Variants in ULK4 observed in about 807,000 individuals in gnomAD.
ULK4 encodes inactive serine/threonine-protein kinase ULK4.
ULK4 carries 133 observed loss-of-function variants against 160.6 expected under a neutral mutation model. That is an observed-to-expected ratio of 0.83 (90% CI 0.72 to 0.96). ULK4 has a LOEUF of 0.96. ULK4 is among the 40% of genes least tolerant of loss of function. The pLI is 0.00. For synonymous variants in ULK4, 534 were observed against 539.8 expected, an observed-to-expected ratio of 0.99 and a Z score of 0.15; for missense variants, 1,580 against 1,499.5, an observed-to-expected ratio of 1.05 and a Z score of -0.89.
At position 41,326,451 on chromosome 3, in the gene ULK4, C is replaced by CATAT. The variant is rs10660377; in HGVS notation, c.3678+71624_3678+71627dup. Among the ~76,000 whole-genome samples the CATAT allele has an allele frequency of 3.8e-3, 558 of 146,690 alleles. 4 individuals carry two copies. Among genetic ancestry groups the CATAT allele is most frequent in the Admixed American group, 0.021 (312 of 14,656 alleles). ...AGAGTTATATTTACATGCATATATA[C>CATAT]ATATATATATATATATATACATACA... On this transcript the variant is annotated intron_variant, in intron 35 of 36. Coordinates refer to ENST00000301831, the MANE Select transcript of ULK4 (RefSeq NM_017886.4).
At chr3:41,538,057 T>A (rs1270099153) in intron 32 of ULK4, among the ~76,000 whole-genome samples, 1 of 152,176 alleles carries the variant, frequency 6.6e-6, no homozygotes, top group Non-Finnish European at 1.5e-5. Flanking sequence ...CAGTTCCTTC[T>A]CCTGTTTGTT....
intron 21 of ULK4, among the ~76,000 whole-genome samples, chr3:41,780,444 T>C (rs1194754289): frequency 6.6e-6 from 1 of 152,058 alleles, no homozygotes; most frequent in Admixed American, 6.6e-5. Context: ...CCACCAAAGG[T>C]CTTTTTAGAG....
At chr3:41,868,309 A>G (rs868329375) in intron 17 of ULK4, among the ~76,000 whole-genome samples, 6 of 152,162 alleles carry the variant, frequency 3.9e-5, no homozygotes, top group Non-Finnish European at 8.8e-5. Flanking sequence ...ATGCTTCCTA[A>G]TGAACTGAAA....
rs1012943509 is a variant in ULK4 at position 41,745,966 on chromosome 3, C to G, written c.2321+8395G>C. On this transcript the variant is annotated intron_variant, in intron 22 of 36. Transcript: ENST00000301831. ...TTCATGATGAGAGAAAAAAAAAACT[C>G]TAAGAAAATTGGAGATAAAGAATAA... 1.3e-5 allele frequency among the ~76,000 whole-genome samples: 2 copies of G among 150,648 alleles called. 1 individual carries two copies. The highest frequency in any genetic ancestry group is 4.9e-5 in the African/African-American group (2 of 40,804).
rs149550655 is a variant in ULK4 at position 41,557,638 on chromosome 3, C to T, written c.3226+8387G>A. 3.4e-4 allele frequency among the ~76,000 whole-genome samples: 52 copies of T among 151,312 alleles called. 2 individuals are homozygous for T. The East Asian group carries it at 6.4e-3, about 19-fold the overall frequency. ...AAAATTAGCCAGGCATGGTGGCACG[C>T]GCCTGTTGTCCTAGTTACTTGGGAG... On this transcript the variant is annotated intron_variant, in intron 32 of 36. Transcript: ENST00000301831.
chr3:41,543,810 C>A (rs11129918), intron 32 of ULK4, among the ~76,000 whole-genome samples: 1 of 151,772 alleles, frequency 6.6e-6, no homozygotes, highest in Non-Finnish European at 1.5e-5. Context: ...CATCATTGAC[C>A]CCCTTTAGTG....
chr3:41,378,632 T>G, intron 35 of ULK4, among the ~76,000 whole-genome samples: 2 of 145,414 alleles, frequency 1.4e-5, no homozygotes, highest in East Asian at 2.3e-4. Context: ...GGGCCTGTCA[T>G]GGGGTAGGGG....
chr3:41,472,785 A>G (rs2125888199), intron 32 of ULK4, among the ~76,000 whole-genome samples: 1 of 152,280 alleles, frequency 6.6e-6, no homozygotes, highest in African/African-American at 2.4e-5. Context: ...GCCCAGCATT[A>G]CCCTCATACC....
At chr3:41,540,449 T>C (rs963539866) in intron 32 of ULK4, among the ~76,000 whole-genome samples, 3 of 152,212 alleles carry the variant, frequency 2.0e-5, no homozygotes, top group Non-Finnish European at 4.4e-5. Flanking sequence ...GATGGGCATT[T>C]GGGTTGATTC....
chr3:41,462,797 G>A (rs922997058), intron 33 of ULK4, among the ~76,000 whole-genome samples: 14 of 152,228 alleles, frequency 9.2e-5, no homozygotes, highest in Middle Eastern at 3.4e-3. Context: ...GCCAACCTAG[G>A]ATGTGCCTAA....
At chr3:41,285,379 A>G (rs749253221) in intron 35 of ULK4, among the ~76,000 whole-genome samples, 2 of 152,042 alleles carry the variant, frequency 1.3e-5, no homozygotes, top group Non-Finnish European at 1.5e-5. Context: ...AAACTGTGGT[A>G]TATATATATA....
intron 32 of ULK4, among the ~76,000 whole-genome samples, chr3:41,491,782 CA>C (rs1559644704): frequency 1.6e-5 from 2 of 122,652 alleles, no homozygotes; most frequent in Non-Finnish European, 1.8e-5. Context: ...GCACAATGTG[CA>C]GGTTAGTTAC....
intron 35 of ULK4, among the ~76,000 whole-genome samples, chr3:41,306,979 A>T (rs1237231466): frequency 1.3e-5 from 2 of 150,602 alleles, no homozygotes; most frequent in African/African-American, 4.9e-5. Flanking sequence ...ACCACTCCCT[A>T]ATCTCAAGTA....
At chr3:41,538,061 G>A (rs541478569) in intron 32 of ULK4, among the ~76,000 whole-genome samples, 2 of 151,960 alleles carry the variant, frequency 1.3e-5, no homozygotes, top group South Asian at 4.2e-4. Context: ...TCCTTCTCCT[G>A]TTTGTTACAT....
intron 31 of ULK4, among the ~76,000 whole-genome samples, chr3:41,569,817 G>A (rs900976588): frequency 2.6e-5 from 4 of 151,820 alleles, no homozygotes; most frequent in African/African-American, 9.7e-5. Context: ...CATTATGAAT[G>A]ACTAACGAAT....
chr3:41,882,295 G>T, intron 17 of ULK4: 1 of 702,808 alleles, frequency 1.4e-6, no homozygotes, highest in Admixed American at 2.0e-5. Context: ...TGTGGAAAGA[G>T]AAATAAATAC....
chr3:41,858,403 C>G (rs913541109), intron 17 of ULK4, among the ~76,000 whole-genome samples: 1 of 151,684 alleles, frequency 6.6e-6, no homozygotes, highest in African/African-American at 2.4e-5. Flanking sequence ...CCACCTGCCT[C>G]GGCCTCCCAG....
chr3:41,612,507 C>T (rs1258417056), intron 31 of ULK4, among the ~76,000 whole-genome samples: 1 of 152,176 alleles, frequency 6.6e-6, no homozygotes, highest in Non-Finnish European at 1.5e-5. Flanking sequence ...CATTAGTCCT[C>T]CAGACAGGAA....
At chr3:41,331,509 A>G (rs981765343) in intron 35 of ULK4, among the ~76,000 whole-genome samples, 9 of 152,174 alleles carry the variant, frequency 5.9e-5, no homozygotes, top group Non-Finnish European at 1.0e-4. Flanking sequence ...GGTTTTTCCA[A>G]TGCTTTTTAT....
Sources: allele counts gnomAD v4.1 joint callset (sites outside exome capture counted in the v4.1 genomes callset), GRCh38; gene constraint gnomAD v4.1.1; transcripts MANE v1.5; gene names NCBI Gene and HGNC (gene_info 2026-07-23, HGNC 2026-07-21).